TRPA1: variants seen among roughly 807,000 people sequenced by gnomAD.
TRPA1 encodes ankyrin-like with transmembrane domains 1.
In TRPA1, 129 loss-of-function variants were observed where a neutral mutation model predicts 131.3. The ratio of observed to expected loss-of-function variants is 0.98; its 90% CI spans 0.85 to 1.14. TRPA1 has a LOEUF of 1.14. Among genes scored for constraint, TRPA1 ranks in the 50% most tolerant of loss-of-function variants. The probability of loss-of-function intolerance (pLI) is 0.00; values close to 1 mark genes in which losing one functional copy is unlikely to be tolerated. For missense variants in TRPA1, 1,304 were observed against 1,354.2 expected, an observed-to-expected ratio of 0.96 and a Z score of 0.58; for synonymous variants, 441 against 451.7, an observed-to-expected ratio of 0.98 and a Z score of 0.30.
rs1563405273 is a variant in TRPA1 at position 72,069,135 on chromosome 8, AT to A, written c.331del (p.Ile111LeufsTer21). On this transcript the variant is annotated frameshift_variant, in exon 3 of 27. Coordinates refer to ENST00000262209, the MANE Select transcript of TRPA1 (RefSeq NM_007332.3). LOFTEE classifies it high-confidence loss of function. ...GCTGAGAAGAAACTTAACGCTTTCA[AT>A]TTGGTTTTTTTCTACAGCACAATGC... ...PLHCAVEKNQ[I>X]ESVKFLLSRG... 1.9e-6 allele frequency: 3 copies of A among 1,614,228 alleles called. No individual in the cohort carries two copies. In the South Asian group the frequency reaches 3.3e-5, roughly 18 times the overall value.
At position 72,069,053 on chromosome 8, in the gene TRPA1, A is replaced by C. The variant is rs1181692917; in HGVS notation, c.414T>G (p.Ala138=). 2 of 1,614,098 alleles carry C rather than the reference A, an allele frequency of 1.2e-6. No homozygotes were observed. The highest frequency in any genetic ancestry group is 2.7e-5 in the African/African-American group (2 of 74,930). ...NFNMMAPLHI[A]VQGMNNEVMK... ...TCACCTCATTATTCATGCCCTGCAC[A>C]GCTATGTGGAGAGGAGCCATCATGT... Residue 138 remains alanine (A), a synonymous_variant, in exon 3 of 27, where the codon GCT becomes GCG. Transcript: ENST00000262209.
At chr8:72,037,955 C>T (rs556410970) in intron 20 of TRPA1, 28 bp downstream of exon 20, 4 of 1,352,644 alleles carry the variant, frequency 3.0e-6, no homozygotes, top group Non-Finnish European at 4.2e-6. Flanking sequence ...ATATGTGCAA[C>T]TTTAGAGATA....
At chr8:72,084,616 A>T in the TRPA1 span, among the ~76,000 whole-genome samples, 1 of 148,730 alleles carries the variant, frequency 6.7e-6, no homozygotes, top group Non-Finnish European at 1.5e-5. Flanking sequence ...TGTCTGTTTT[A>T]AATTATTTTA....
chr8:72,047,204 G>C lies in TRPA1; in HGVS notation c.1909C>G (p.Leu637Val). Reference protein sequence around the residue: ...IEYLPECMKVLLDFCMLHSTE... With the variant: ...IEYLPECMKVVLDFCMLHSTE... Reference sequence around the variant, plus strand: ...GAATGCAACATGCAGAAATCTAAAAGTACCTTTGAAAGAGAAAAACCAGCT... The same window carrying C: ...GAATGCAACATGCAGAAATCTAAAACTACCTTTGAAAGAGAAAAACCAGCT... Residue 637 changes from leucine to valine, a missense_variant, in exon 16 of 27, where the codon CTT becomes GTT. Physicochemically the swap from Leu to Val is conservative, Grantham distance 32. Coordinates refer to ENST00000262209, the MANE Select transcript of TRPA1 (RefSeq NM_007332.3). The C allele has an allele frequency of 6.2e-7, 1 of 1,610,790 alleles. No individual in the cohort carries two copies. Among genetic ancestry groups the C allele is most frequent in the Non-Finnish European group, 8.5e-7 (1 of 1,177,698 alleles).
chr8:72,039,346 A>G (rs1899765), intron 18 of TRPA1, among the ~76,000 whole-genome samples: 2,920 of 152,132 alleles, frequency 0.019, 79 homozygotes, highest in East Asian at 0.083. Flanking sequence ...GGATATTTCT[A>G]CATGTTCTAT....
At chr8:72,081,019 C>T in the TRPA1 span, among the ~76,000 whole-genome samples, 1 of 151,580 alleles carries the variant, frequency 6.6e-6, no homozygotes, top group Non-Finnish European at 1.5e-5. Context: ...TCTATTGTTT[C>T]TCTACTTTTG....
rs769832809 is a variant in TRPA1 at position 72,062,950 on chromosome 8, G to T, written c.662-6C>A. On this transcript the variant is annotated splice_region_variant and splice_polypyrimidine_tract_variant and intron_variant, in intron 5 of 26. Transcript: ENST00000262209. ...ACTGTACCCATGCTCTTCACCTTGA[G>T]AAGAAAATAACATTCAACATAACAA... 4.3e-6 allele frequency: 7 copies of T among 1,612,828 alleles called. No homozygotes were observed. In the South Asian group the frequency reaches 6.6e-5, roughly 15 times the overall value.
At chr8:72,046,050 G>C (rs545310295) in intron 17 of TRPA1, among the ~76,000 whole-genome samples, 1 of 151,924 alleles carries the variant, frequency 6.6e-6, no homozygotes, top group South Asian at 2.1e-4. Context: ...ATCACCCCTT[G>C]CATTTTCCTG....
chr8:72,082,693 T>C, the TRPA1 span, among the ~76,000 whole-genome samples: 2 of 152,048 alleles, frequency 1.3e-5, no homozygotes. Flanking sequence ...CTTTTTTTTT[T>C]TCAATTAGAT....
chr8:72,061,727 G>T lies in TRPA1; in HGVS notation c.842C>A (p.Thr281Asn). Reference protein sequence around the residue: ...GRCTAIHFAATQGATEIVKLM... With the variant: ...GRCTAIHFAANQGATEIVKLM... Reference sequence around the variant, plus strand: ...TTTAACAATCTCAGTGGCTCCCTGGGTGGCAGCAAAATGAATGGCTGTGCA... The same window carrying T: ...TTTAACAATCTCAGTGGCTCCCTGGTTGGCAGCAAAATGAATGGCTGTGCA... The change falls in exon 7 of 27, where the codon ACC (threonine) becomes AAC (asparagine). Residue 281 changes from threonine (T) to asparagine (N), a missense_variant. Thr to Asn is a moderately conservative substitution (Grantham distance 65, BLOSUM62 0). Transcript: ENST00000262209. The T allele has an allele frequency of 6.2e-7, 1 of 1,614,008 alleles. No individual in the cohort carries two copies. The highest frequency in any genetic ancestry group is 2.2e-5 in the East Asian group (1 of 44,868).
At chr8:72,089,235 G>A in the TRPA1 span, among the ~76,000 whole-genome samples, 1 of 152,088 alleles carries the variant, frequency 6.6e-6, no homozygotes, top group Non-Finnish European at 1.5e-5. Context: ...CAGTGAATGA[G>A]AGATATAGTA....
At position 72,023,020 on chromosome 8, in the gene TRPA1, A is replaced by G. The variant is rs771129521; in HGVS notation, c.3246T>C (p.Asp1082=). The part of the protein sequence containing the change: ...MEIISETEDD[D]SHCSFQDRFK... The stretch of plus-strand genomic sequence containing the variant: ...ACCTGTCTTGAAAAGAACAATGGCT[A>G]TCATCATCCTCTGTCTCAGAGATGA... Residue 1082 remains aspartate (D), a synonymous_variant, in exon 27 of 27, where the codon GAT becomes GAC. Coordinates refer to ENST00000262209, the MANE Select transcript of TRPA1 (RefSeq NM_007332.3). The G allele has an allele frequency of 1.2e-6, 2 of 1,613,882 alleles. No homozygotes were observed. Among genetic ancestry groups the G allele is most frequent in the South Asian group, 1.1e-5 (1 of 91,076 alleles).
upstream of TRPA1, among the ~76,000 whole-genome samples, chr8:72,079,378 T>G (rs1248427419): frequency 2.0e-5 from 3 of 151,974 alleles, no homozygotes; most frequent in African/African-American, 4.8e-5. Flanking sequence ...TTGAGTTAAT[T>G]TTTTGTTCGG....
intron 17 of TRPA1, among the ~76,000 whole-genome samples, chr8:72,044,185 C>G (rs1292700188): frequency 6.7e-6 from 1 of 149,726 alleles, no homozygotes; most frequent in Non-Finnish European, 1.5e-5. Context: ...GCCCGAAAAG[C>G]TATATATCTA....
At chr8:72,083,207 C>A in the TRPA1 span, among the ~76,000 whole-genome samples, 2 of 151,978 alleles carry the variant, frequency 1.3e-5, no homozygotes, top group Admixed American at 1.3e-4. Flanking sequence ...TCCTTTCATT[C>A]TTTGAAAATG....
At chr8:72,075,171 T>C in intron 1 of TRPA1, 128 bp downstream of exon 1, 1 of 754,418 alleles carries the variant, frequency 1.3e-6, no homozygotes, top group Non-Finnish European at 2.4e-6. Flanking sequence ...ACCTCTTGGA[T>C]TGTGCACACA....
chr8:72,053,624 G>A, intron 13 of TRPA1, 129 bp downstream of exon 13: 1 of 732,672 alleles, frequency 1.4e-6, no homozygotes. Context: ...GAATCCACTT[G>A]CTAAACACCC....
the TRPA1 span, among the ~76,000 whole-genome samples, chr8:72,085,860 TTG>T: frequency 2.0e-5 from 3 of 152,146 alleles, no homozygotes; most frequent in African/African-American, 7.2e-5. Context: ...CTTGTGCATT[TTG>T]TTTTAACCTT....
At chr8:72,046,902 A>C (rs1204683084) in intron 16 of TRPA1, among the ~76,000 whole-genome samples, 1 of 152,024 alleles carries the variant, frequency 6.6e-6, no homozygotes, top group East Asian at 1.9e-4. Context: ...ATTAAGGCAC[A>C]ACTACTTAAG....
Sources: allele counts gnomAD v4.1 joint callset (sites outside exome capture counted in the v4.1 genomes callset), GRCh38; gene constraint gnomAD v4.1.1; transcripts MANE v1.5; gene names NCBI Gene and HGNC (gene_info 2026-07-23, HGNC 2026-07-21).